The following TBC1D32 variants were observed in gnomAD, a reference collection of about 807,000 sequenced individuals.
TBC1D32 encodes the protein protein broad-minded.
TBC1D32 carries 151 observed loss-of-function variants against 170.3 expected under a neutral mutation model. The ratio of observed to expected loss-of-function variants is 0.89; its 90% CI spans 0.78 to 1.01. The LOEUF is 1.01. Ranked by LOEUF, TBC1D32 falls within the 50% of genes least tolerant of loss-of-function variation. The pLI is 0.00. For missense variants in TBC1D32, 1,464 were observed against 1,457.1 expected (o/e 1.00, Z -0.08); for synonymous variants, 498 against 488.0 (o/e 1.02, Z -0.27).
At chr6:121,216,636 G>A (rs1793859569) in intron 21 of TBC1D32, among the ~76,000 whole-genome samples, 1 of 152,168 alleles carries the variant, frequency 6.6e-6, no homozygotes, top group Admixed American at 6.5e-5. Context: ...TGAGAGGCAA[G>A]GAATTTAGTG....
At chr6:121,221,076 A>C (rs867203010) in intron 21 of TBC1D32, among the ~76,000 whole-genome samples, 7 of 152,356 alleles carry the variant, frequency 4.6e-5, no homozygotes, top group Middle Eastern at 3.4e-3. Flanking sequence ...TTAAGAGCTA[A>C]TGCAGATGGT....
chr6:121,139,134 C>A (rs138170688), intron 24 of TBC1D32, among the ~76,000 whole-genome samples: 2,268 of 152,262 alleles, frequency 0.015, 41 homozygotes, highest in African/African-American at 0.044. Flanking sequence ...GAGTGAGCTA[C>A]CGTGCCCAGC....
chr6:121,239,703 T>C (rs761052985), intron 19 of TBC1D32, among the ~76,000 whole-genome samples: 1 of 152,104 alleles, frequency 6.6e-6, no homozygotes, highest in Non-Finnish European at 1.5e-5. Flanking sequence ...CTGCATTTCA[T>C]ACAACTTTTG....
At chr6:121,174,093 C>T (rs1787430473) in intron 22 of TBC1D32, among the ~76,000 whole-genome samples, 1 of 151,530 alleles carries the variant, frequency 6.6e-6, no homozygotes, top group African/African-American at 2.4e-5. Context: ...AAATGGCAAC[C>T]AGAAAAAGTA....
intron 1 of TBC1D32, among the ~76,000 whole-genome samples, chr6:121,331,100 T>C (rs1811152559): frequency 6.6e-6 from 1 of 152,244 alleles, no homozygotes; most frequent in South Asian, 2.1e-4. Flanking sequence ...CCTCACTTTA[T>C]TATACCACCT....
chr6:121,236,120 T>G (rs1796301446), intron 20 of TBC1D32, among the ~76,000 whole-genome samples: 1 of 131,538 alleles, frequency 7.6e-6, no homozygotes, highest in Non-Finnish European at 1.8e-5. Context: ...TGGTTTGTGT[T>G]TTTATTTTTG....
chr6:121,181,423 T>C (rs1172367727), intron 22 of TBC1D32, among the ~76,000 whole-genome samples: 1 of 152,062 alleles, frequency 6.6e-6, no homozygotes, highest in African/African-American at 2.4e-5. Flanking sequence ...GCTCCAGCCA[T>C]GTAAGATGTG....
intron 12 of TBC1D32, among the ~76,000 whole-genome samples, chr6:121,291,047 T>G (rs971677971): frequency 6.6e-6 from 1 of 151,950 alleles, no homozygotes; most frequent in Non-Finnish European, 1.5e-5. Flanking sequence ...ATACCTAATG[T>G]TAAATGACGA....
At chr6:121,217,688 T>C (rs923290012) in intron 21 of TBC1D32, among the ~76,000 whole-genome samples, 2 of 152,092 alleles carry the variant, frequency 1.3e-5, no homozygotes, top group Admixed American at 1.3e-4. Context: ...AGATAACTAT[T>C]AGGTACAAGG....
chr6:121,080,787 C>T lies in TBC1D32; in HGVS notation c.3758G>A (p.Arg1253Lys), dbSNP rs1265748300. Residue 1253 changes from arginine (R) to lysine (K), a missense_variant, in exon 32 of 32, where the codon AGA (arginine) becomes AAA (lysine). By Grantham distance (26) the Arg-to-Lys change is conservative. Coordinates refer to ENST00000398212, the MANE Select transcript of TBC1D32 (RefSeq NM_152730.6). ...TVLLRDMRNI[R>K]LQST ...TCTCATGATCTATGTGCTCTGCAGT[C>T]TAATGTTCCGCATGTCTCTCAGCAG... is the stretch of plus-strand genomic sequence containing the variant. 1 of 1,613,244 alleles carries T rather than the reference C, an allele frequency of 6.2e-7. No homozygotes were observed. Among genetic ancestry groups the T allele is most frequent in the East Asian group, 2.2e-5 (1 of 44,814 alleles).
chr6:121,218,877 C>A (rs966923664), intron 21 of TBC1D32, among the ~76,000 whole-genome samples: 6 of 152,108 alleles, frequency 3.9e-5, no homozygotes, highest in Non-Finnish European at 4.4e-5. Context: ...CTCTTGCCTG[C>A]TGCCATGTGA....
intron 22 of TBC1D32, among the ~76,000 whole-genome samples, chr6:121,198,244 TA>T (rs199807777): frequency 0.075 from 10,532 of 140,624 alleles, 530 homozygotes; most frequent in South Asian, 0.15. Context: ...TAAATATATA[TA>T]TTATATATAT....
At chr6:121,148,736 C>T (rs566302992) in intron 24 of TBC1D32, among the ~76,000 whole-genome samples, 1 of 152,266 alleles carries the variant, frequency 6.6e-6, no homozygotes, top group South Asian at 2.1e-4. Context: ...GCCTCAGCCT[C>T]CCGGGTAGCT....
intron 20 of TBC1D32, among the ~76,000 whole-genome samples, chr6:121,234,207 C>T (rs375463588): frequency 2.7e-4 from 41 of 152,120 alleles, no homozygotes; most frequent in East Asian, 3.9e-4. Context: ...GATCTTTTTG[C>T]GATGAATTTC....
At chr6:121,202,202 C>G (rs1408319631) in intron 22 of TBC1D32, among the ~76,000 whole-genome samples, 1 of 143,154 alleles carries the variant, frequency 7.0e-6, no homozygotes, top group African/African-American at 2.6e-5. Context: ...GTAGAGTGCA[C>G]AGAAACCTAG....
At chr6:121,162,923 GTCAGGGAGTTCCCT>G (rs1785958691) in intron 22 of TBC1D32, 1 of 115,714 alleles carries the variant, frequency 8.6e-6, no homozygotes, top group Non-Finnish European at 1.9e-5. Context: ...AGCGCAAGGG[GTCAGGGAGTTCCCT>G]TTCCGAGTCA....
intron 24 of TBC1D32, among the ~76,000 whole-genome samples, chr6:121,137,398 G>C (rs1480600402): frequency 6.6e-6 from 1 of 150,440 alleles, no homozygotes; most frequent in East Asian, 2.0e-4. Flanking sequence ...AATGAGTAAG[G>C]TAGAGAAAGA....
intron 22 of TBC1D32, among the ~76,000 whole-genome samples, chr6:121,181,113 A>C (rs1410319516): frequency 6.6e-6 from 1 of 152,152 alleles, no homozygotes; most frequent in African/African-American, 2.4e-5. Context: ...GGATGCAGAG[A>C]AAGGGGAACA....
chr6:121,273,690 A>G lies in TBC1D32; in HGVS notation c.1733+5431T>C, dbSNP rs371076597. On this transcript the variant is annotated intron_variant, in intron 15 of 31. Transcript: ENST00000398212. Reference sequence around the variant, plus strand: ...AAGTTTGGCCTAAAACTGTCTGCTTATGCATTTTAAGTTCAGCCTAAATGT... The same window carrying G: ...AAGTTTGGCCTAAAACTGTCTGCTTGTGCATTTTAAGTTCAGCCTAAATGT... 2.0e-5 allele frequency among the ~76,000 whole-genome samples: 3 copies of G among 151,784 alleles called. No homozygotes were observed. The East Asian group carries it at 5.8e-4, about 29-fold the overall frequency.
Sources: gnomAD v4.1 joint callset for allele counts (sites outside exome capture counted in the v4.1 genomes callset) on GRCh38, gnomAD v4.1.1 for gene constraint, MANE v1.5 for transcripts, NCBI Gene and HGNC (gene_info 2026-07-23, HGNC 2026-07-21) for gene names.